CFAP43: variants seen among roughly 807,000 people sequenced by gnomAD.
CFAP43 encodes the protein cilia and flagella associated protein 43.
A neutral mutation model predicts 218.9 loss-of-function variants in CFAP43; 155 were observed. The ratio of observed to expected loss-of-function variants is 0.71; its 90% CI spans 0.62 to 0.81. The LOEUF (loss-of-function observed/expected upper bound fraction) is 0.81, where lower values mean the gene tolerates loss of function less well. Among genes scored for constraint, CFAP43 ranks in the 30% least tolerant of loss-of-function variants. CFAP43 has a pLI of 0.00. For missense variants in CFAP43, 1,778 were observed against 1,954.3 expected, an observed-to-expected ratio of 0.91 and a Z score of 1.70; for synonymous variants, 645 against 681.3, an observed-to-expected ratio of 0.95 and a Z score of 0.83.
In CFAP43 at chr10:104,188,257, A is replaced by C; in HGVS notation, c.1687+13T>G. On this transcript the variant is annotated intron_variant, in intron 13 of 37. Coordinates refer to ENST00000357060, the MANE Select transcript of CFAP43 (RefSeq NM_025145.7). ...GGCTCAGGAGCAGAACTGGCTGCTT[A>C]TGTTTTCCTTACCTTGTGGCAGTAA... 1.2e-6 allele frequency: 2 copies of C among 1,613,010 alleles called. No individual in the cohort carries two copies. The highest frequency in any genetic ancestry group is 1.7e-6 in the Non-Finnish European group (2 of 1,179,408).
At chr10:104,180,293 A>AT (rs1295787559) in intron 17 of CFAP43, among the ~76,000 whole-genome samples, 2 of 151,578 alleles carry the variant, frequency 1.3e-5, no homozygotes, top group African/African-American at 4.9e-5. Flanking sequence ...ACTTAACACA[A>AT]TTTTTTTTCA....
intron 32 of CFAP43, among the ~76,000 whole-genome samples, chr10:104,142,813 T>C (rs1318530000): frequency 6.6e-6 from 1 of 152,184 alleles, no homozygotes; most frequent in African/African-American, 2.4e-5. Context: ...AAATTTTTAC[T>C]CGTTGCCACA....
intron 27 of CFAP43, among the ~76,000 whole-genome samples, chr10:104,160,132 A>T: frequency 6.6e-6 from 1 of 152,218 alleles, no homozygotes; most frequent in Non-Finnish European, 1.5e-5. Context: ...GTGCAGGGAC[A>T]TGAGGGTGCA....
At chr10:104,227,099 G>A (rs1037575978) in intron 2 of CFAP43, among the ~76,000 whole-genome samples, 1 of 151,892 alleles carries the variant, frequency 6.6e-6, no homozygotes, top group Non-Finnish European at 1.5e-5. Context: ...TTTTATTTAC[G>A]TTATATTGAC....
intron 23 of CFAP43, among the ~76,000 whole-genome samples, chr10:104,166,062 G>GTTAT (rs780184625): frequency 3.3e-5 from 5 of 151,990 alleles, no homozygotes; most frequent in Non-Finnish European, 5.9e-5. Context: ...TCTATGTATT[G>GTTAT]TTATTTATTT....
chr10:104,163,148 TG>T (rs2088965106), intron 24 of CFAP43, among the ~76,000 whole-genome samples: 1 of 152,214 alleles, frequency 6.6e-6, no homozygotes, highest in African/African-American at 2.4e-5. Flanking sequence ...TAAGGCATGA[TG>T]GTTTGGGTCC....
intron 20 of CFAP43, among the ~76,000 whole-genome samples, chr10:104,170,675 G>A (rs1040366614): frequency 2.6e-5 from 4 of 152,038 alleles, no homozygotes; most frequent in South Asian, 2.1e-4. Flanking sequence ...TTTCAAGTGC[G>A]GCAAACTATC....
At chr10:104,155,561 G>A (rs2088499178) in intron 27 of CFAP43, among the ~76,000 whole-genome samples, 1 of 152,132 alleles carries the variant, frequency 6.6e-6, no homozygotes, top group Admixed American at 6.5e-5. Flanking sequence ...AGAGGCACAG[G>A]TAAAAATGAA....
intron 19 of CFAP43, among the ~76,000 whole-genome samples, chr10:104,177,310 G>A (rs571256305): frequency 3.3e-5 from 5 of 152,078 alleles, no homozygotes; most frequent in Non-Finnish European, 5.9e-5. Flanking sequence ...CTGCGGGCTC[G>A]GGAAGCCATC....
At chr10:104,186,329 G>T (rs1439721069) in intron 14 of CFAP43, among the ~76,000 whole-genome samples, 3 of 152,142 alleles carry the variant, frequency 2.0e-5, no homozygotes, top group Non-Finnish European at 4.4e-5. Flanking sequence ...GCAAATAAAA[G>T]TTTGTTTCTG....
chr10:104,227,575 G>C (rs2091336144), intron 2 of CFAP43, among the ~76,000 whole-genome samples: 1 of 152,058 alleles, frequency 6.6e-6, no homozygotes, highest in African/African-American at 2.4e-5. Context: ...TGATTTGTCT[G>C]GGTTAATTTC....
At chr10:104,166,784 T>A (rs949232048) in intron 22 of CFAP43, 66 bp from the exon 23 acceptor site, 73 of 1,363,266 alleles carry the variant, frequency 5.4e-5, no homozygotes, top group East Asian at 3.9e-4. Flanking sequence ...GGAAATTTTG[T>A]GACAACTTAA....
chr10:104,227,967 CT>C (rs768290770), intron 2 of CFAP43, among the ~76,000 whole-genome samples: 2 of 150,002 alleles, frequency 1.3e-5, no homozygotes, highest in Non-Finnish European at 3.0e-5. Context: ...CATCAGCCTC[CT>C]GAGTAGCTGG....
chr10:104,153,849 T>G (rs954626137), intron 27 of CFAP43, among the ~76,000 whole-genome samples: 4 of 148,494 alleles, frequency 2.7e-5, no homozygotes, highest in African/African-American at 9.9e-5. Context: ...TACACTTTTC[T>G]GAACCATTTG....
Position 104,140,907 on chromosome 10 carries a change from G to A in CFAP43, c.4366C>T (p.Leu1456=), listed in dbSNP as rs748710550. The change falls in exon 34 of 38, where the codon CTG becomes TTG. Residue 1456 remains leucine, a synonymous_variant. Transcript: ENST00000357060. ...ATGAGAATTGCATCAGAATACTCCAGTACTAGCTGGAAATTTTCCAGTTCT... is the reference window on the plus strand; with the variant it reads ...ATGAGAATTGCATCAGAATACTCCAATACTAGCTGGAAATTTTCCAGTTCT... ...QVELENFQLV[L]EYSDAILINK... is the part of the protein sequence containing the mutation. The A allele has an allele frequency of 1.9e-6, 3 of 1,613,604 alleles. No homozygotes were observed. Among genetic ancestry groups the A allele is most frequent in the African/African-American group, 1.3e-5 (1 of 75,012 alleles).
At chr10:104,182,691 C>T (rs543764095) in intron 16 of CFAP43, among the ~76,000 whole-genome samples, 178 bp from the exon 17 acceptor site, 6 of 152,174 alleles carry the variant, frequency 3.9e-5, no homozygotes, top group Admixed American at 6.5e-5. Context: ...ACTTCTTTTG[C>T]AGAATTTCTT....
intron 34 of CFAP43, among the ~76,000 whole-genome samples, chr10:104,136,277 AAG>A (rs1554856592): frequency 2.6e-4 from 24 of 91,160 alleles, no homozygotes; most frequent in Non-Finnish European, 4.1e-4. Context: ...AAAAAAAAAA[AAG>A]AAGAAAAGAA....
In CFAP43 at chr10:104,232,145, G is replaced by T. The variant is rs765450246; in HGVS notation, c.65+37C>A. On this transcript the variant is annotated intron_variant, in intron 1 of 37. Coordinates refer to ENST00000357060, the MANE Select transcript of CFAP43 (RefSeq NM_025145.7). Reference sequence around the variant, plus strand: ...GGGGACTTGGGGCAGGAGGTTCCGCGAGACCCAGATCGGTCGCGGGGCCGT... The same window carrying T: ...GGGGACTTGGGGCAGGAGGTTCCGCTAGACCCAGATCGGTCGCGGGGCCGT... 4 of 1,589,206 alleles carry T rather than the reference G, an allele frequency of 2.5e-6. 1 individual carries two copies. In the South Asian group the frequency reaches 4.5e-5, roughly 18 times the overall value.
chr10:104,166,423 A>G lies in CFAP43; in HGVS notation c.3039+65T>C, dbSNP rs76113123. 1,580 of 1,132,746 alleles carry G rather than the reference A, an allele frequency of 1.4e-3. 16 individuals carry two copies. In the African/African-American group the frequency reaches 0.022, roughly 16 times the overall value. The allele number at this position is 1,132,746 out of a possible 1,614,324, so 70.2% of individuals were successfully genotyped here. On this transcript the variant is annotated intron_variant, in intron 23 of 37. Coordinates refer to ENST00000357060, the MANE Select transcript of CFAP43 (RefSeq NM_025145.7). ...TTGATTGGCATTTGTTTTCAATGTG[A>G]GGCCTTGAAAGCCACCTAATGGGGA... is the stretch of plus-strand genomic sequence containing the variant.
Sources: gnomAD v4.1 joint callset for allele counts (sites outside exome capture counted in the v4.1 genomes callset) on GRCh38, gnomAD v4.1.1 for gene constraint, MANE v1.5 for transcripts, NCBI Gene and HGNC (gene_info 2026-07-23, HGNC 2026-07-21) for gene names.